SORBS2: variants seen among roughly 807,000 people sequenced by gnomAD.
SORBS2 encodes the protein sorbin and SH3 domain containing 2.
SORBS2 carries 46 observed loss-of-function variants against 97.7 expected under a neutral mutation model. That is an observed-to-expected ratio of 0.47 (90% CI 0.37 to 0.60). The LOEUF is 0.60. SORBS2 is among the 20% of genes least tolerant of loss of function. The pLI is 0.00. For synonymous variants in SORBS2, 476 were observed against 473.4 expected, an observed-to-expected ratio of 1.01 and a Z score of -0.07; for missense variants, 1,316 against 1,282.3, an observed-to-expected ratio of 1.03 and a Z score of -0.40.
intron 1 of SORBS2, among the ~76,000 whole-genome samples, chr4:185,791,980 G>C (rs2099082259): frequency 6.6e-6 from 1 of 152,152 alleles, no homozygotes; most frequent in Admixed American, 6.5e-5. Context: ...GTTTTCTAAT[G>C]GGACAGCTTC....
rs149061596 is a variant in SORBS2 at position 185,868,648 on chromosome 4, G to T, written c.-338+87548C>A. Among the ~76,000 whole-genome samples the T allele has an allele frequency of 6.9e-3, 1,056 of 152,248 alleles. 14 individuals are homozygous for T. Among genetic ancestry groups the T allele is most frequent in the African/African-American group, 0.024 (1,009 of 41,540 alleles). ...CACGTTTTTTGTGCCACCACCGGTT[G>T]TAATTTTTTTCATGTTGTGCCCTCT... On this transcript the variant is annotated intron_variant, in intron 1 of 20. Transcript: ENST00000284776.
intron 1 of SORBS2, among the ~76,000 whole-genome samples, chr4:185,854,855 T>C (rs1252562746): frequency 6.6e-6 from 1 of 152,036 alleles, no homozygotes; most frequent in African/African-American, 2.4e-5. Flanking sequence ...TGCTAGTCCC[T>C]GATTCCAAAT....
chr4:185,702,414 C>A (rs1401502527), intron 2 of SORBS2, among the ~76,000 whole-genome samples: 1 of 152,158 alleles, frequency 6.6e-6, no homozygotes, highest in African/African-American at 2.4e-5. Flanking sequence ...ATGAATAGAG[C>A]AAGAACTCAC....
intron 2 of SORBS2, among the ~76,000 whole-genome samples, chr4:185,743,071 G>C (rs1468707130): frequency 6.6e-6 from 1 of 152,228 alleles, no homozygotes; most frequent in Non-Finnish European, 1.5e-5. Context: ...AAGAAATCTA[G>C]ATCTAAGCCT....
intron 4 of SORBS2, among the ~76,000 whole-genome samples, chr4:185,676,478 A>AATG (rs2097790210): frequency 6.6e-6 from 1 of 152,230 alleles, no homozygotes; most frequent in African/African-American, 2.4e-5. Context: ...CACTTTCTGA[A>AATG]ATGATAAATT....
rs2099275901 is a variant in SORBS2 at position 185,949,005 on chromosome 4, A to G, written c.-338+7191T>C. 2.6e-5 allele frequency among the ~76,000 whole-genome samples: 4 copies of G among 152,148 alleles called. No individual in the cohort carries two copies. The South Asian group carries it at 6.2e-4, about 24-fold the overall frequency. ...AATGTTTGAAGAGTTATTAAAAGGT[A>G]TAAAGAATTATCACCGAGAAGAAAC... is the stretch of plus-strand genomic sequence containing the variant. On this transcript the variant is annotated intron_variant, in intron 1 of 20. Coordinates refer to the SORBS2 transcript ENST00000284776.
intron 2 of SORBS2, chr4:185,690,563 T>C: frequency 6.6e-7 from 1 of 1,525,948 alleles, no homozygotes; most frequent in Admixed American, 2.0e-5. Flanking sequence ...ACAGCATACC[T>C]GTGTTCATTT....
intron 1 of SORBS2, among the ~76,000 whole-genome samples, chr4:185,926,073 A>G (rs1176721572): frequency 6.6e-6 from 1 of 152,116 alleles, no homozygotes; most frequent in Non-Finnish European, 1.5e-5. Context: ...CGAGGTGGAG[A>G]GTAAGCTGAA....
At chr4:185,784,089 T>C (rs1196414471) in intron 1 of SORBS2, among the ~76,000 whole-genome samples, 1 of 152,180 alleles carries the variant, frequency 6.6e-6, no homozygotes, top group African/African-American at 2.4e-5. Context: ...AAATTTCATA[T>C]GCACAGTAAC....
chr4:185,599,259 AGAAATGAG>A lies in SORBS2; in HGVS notation c.2797-5332_2797-5325del, dbSNP rs543694502. ...AGGTTGAATCCGGGTCCATTAAAAC[AGAAATGAG>A]GAAAGGAATCCTGACTTATGTCCAG... On this transcript the variant is annotated intron_variant, in intron 12 of 14. Coordinates refer to ENST00000418609, the Ensembl canonical transcript of SORBS2. 2.1e-3 allele frequency among the ~76,000 whole-genome samples: 319 copies of A among 152,370 alleles called. 4 individuals carry two copies. The highest frequency in any genetic ancestry group is 7.3e-3 in the African/African-American group (305 of 41,586).
intron 7 of SORBS2, among the ~76,000 whole-genome samples, chr4:185,622,034 A>C (rs1198593979): frequency 6.6e-6 from 1 of 152,234 alleles, no homozygotes; most frequent in African/African-American, 2.4e-5. Flanking sequence ...AAATTTACGT[A>C]GTGAACAGAT....
chr4:185,924,147 G>T (rs766110865), intron 1 of SORBS2, among the ~76,000 whole-genome samples: 8 of 152,184 alleles, frequency 5.3e-5, no homozygotes, highest in Non-Finnish European at 8.8e-5. Flanking sequence ...TGAGTGTGAG[G>T]ATAGATATAC....
intron 1 of SORBS2, among the ~76,000 whole-genome samples, chr4:185,942,089 T>C (rs1028654793): frequency 6.6e-6 from 1 of 152,018 alleles, no homozygotes; most frequent in Non-Finnish European, 1.5e-5. Flanking sequence ...GCACTCCAGC[T>C]GGGGTGACAG....
chr4:185,811,775 G>C (rs912998089), intron 1 of SORBS2: 1 of 152,246 alleles, frequency 6.6e-6, no homozygotes, highest in African/African-American at 2.4e-5. Context: ...GTAAACCCGA[G>C]AGCGTCCGCC....
At chr4:185,843,256 A>G (rs1003557602) in intron 1 of SORBS2, among the ~76,000 whole-genome samples, 3 of 152,228 alleles carry the variant, frequency 2.0e-5, no homozygotes, top group African/African-American at 7.2e-5. Flanking sequence ...ACTAAGAGAA[A>G]GCAAAACAGC....
At chr4:185,704,976 A>C (rs1486860317) in intron 2 of SORBS2, among the ~76,000 whole-genome samples, 1 of 152,222 alleles carries the variant, frequency 6.6e-6, no homozygotes, top group African/African-American at 2.4e-5. Context: ...ATGGATGATG[A>C]TGTTCCAGTG....
chr4:185,624,547 G>C, intron 6 of SORBS2, 53 bp from the exon 19 acceptor site: 2 of 1,527,608 alleles, frequency 1.3e-6, no homozygotes, highest in Non-Finnish European at 1.7e-6. Context: ...AAGTTAAAAG[G>C]TTCACAAAGA....
chr4:185,928,161 T>A (rs1305941211), intron 1 of SORBS2, among the ~76,000 whole-genome samples: 1 of 152,096 alleles, frequency 6.6e-6, no homozygotes, highest in Non-Finnish European at 1.5e-5. Context: ...ATTTCATCAC[T>A]TTGGGGGACC....
chr4:185,868,460 G>A (rs1034018409), intron 1 of SORBS2, among the ~76,000 whole-genome samples: 2 of 150,774 alleles, frequency 1.3e-5, no homozygotes, highest in African/African-American at 2.5e-5. Context: ...CCAGCCGAAA[G>A]CTTCTACTTT....
Sources: gnomAD v4.1 joint callset for allele counts (sites outside exome capture counted in the v4.1 genomes callset) on GRCh38, gnomAD v4.1.1 for gene constraint, MANE v1.5 for transcripts, NCBI Gene and HGNC (gene_info 2026-07-23, HGNC 2026-07-21) for gene names.